DROSHA: variants seen among roughly 807,000 people sequenced by gnomAD.
The protein encoded by DROSHA is drosha ribonuclease III.
Under a neutral mutation model 181.9 loss-of-function variants are expected in DROSHA, and 56 were observed. The observed-to-expected ratio is 0.31, with a 90% CI of 0.25 to 0.38. DROSHA has a LOEUF of 0.38. DROSHA is among the 10% of genes least tolerant of loss of function. DROSHA has a pLI of 1.00. For synonymous variants in DROSHA, 524 were observed against 591.2 expected, an observed-to-expected ratio of 0.89 and a Z score of 1.65; for missense variants, 1,218 against 1,743.5, an observed-to-expected ratio of 0.70 and a Z score of 5.37.
chr5:31,402,539 A>G (rs1740138818), intron 35 of DROSHA, among the ~76,000 whole-genome samples: 1 of 152,154 alleles, frequency 6.6e-6, no homozygotes, highest in Admixed American at 6.5e-5. Context: ...TAAATTTTGC[A>G]TGTGTAGGAA....
At chr5:31,519,073 T>G (rs977257964) in intron 6 of DROSHA, among the ~76,000 whole-genome samples, 2 of 152,224 alleles carry the variant, frequency 1.3e-5, no homozygotes, top group Non-Finnish European at 2.9e-5. Context: ...TATGCCACAG[T>G]GCAAACTGGT....
intron 9 of DROSHA, 50 bp downstream of exon 9, chr5:31,510,985 A>C (rs1337863554): frequency 1.3e-6 from 2 of 1,587,666 alleles, no homozygotes; most frequent in Non-Finnish European, 1.7e-6. Context: ...AAATTTAGGA[A>C]TGAAGCTATA....
chr5:31,451,348 A>G (rs1747014003), intron 21 of DROSHA, among the ~76,000 whole-genome samples, 185 bp downstream of exon 21: 1 of 152,242 alleles, frequency 6.6e-6, no homozygotes, highest in South Asian at 2.1e-4. Flanking sequence ...GGACGGTCTC[A>G]CATAAATGTA....
At chr5:31,493,157 A>T (rs373505175) in intron 13 of DROSHA, 50 bp downstream of exon 13, 1 of 1,535,370 alleles carries the variant, frequency 6.5e-7, no homozygotes, top group Non-Finnish European at 8.9e-7. Context: ...GAAAGAAGGG[A>T]TGAAGGAGGT....
Position 31,450,550 on chromosome 5 carries a change from C to T in DROSHA, c.2682+983G>A, listed in dbSNP as rs75899522. 8.9e-3 allele frequency among the ~76,000 whole-genome samples: 1,357 copies of T among 152,196 alleles called. 26 individuals carry two copies. Among genetic ancestry groups the T allele is most frequent in the African/African-American group, 0.031 (1,282 of 41,502 alleles). On this transcript the variant is annotated intron_variant, in intron 21 of 35. Coordinates refer to ENST00000344624, the MANE Select transcript of DROSHA (RefSeq NM_001382508.1). ...GCAGCAACTCAGTTGGAACTACAGG[C>T]CATTATCCTAAGTTAATTAACTCAG...
chr5:31,467,400 A>T (rs1207795122), intron 18 of DROSHA: 1 of 152,078 alleles, frequency 6.6e-6, no homozygotes, highest in Non-Finnish European at 1.5e-5. Flanking sequence ...ACACATCCTA[A>T]ATCTTCTCCC....
rs142450562 is a variant in DROSHA at position 31,424,649 on chromosome 5, G to A, written c.3217-178C>T. Among the ~76,000 whole-genome samples the A allele has an allele frequency of 2.2e-3, 334 of 152,064 alleles. 1 individual carries two copies. The highest frequency in any genetic ancestry group is 7.7e-3 in the African/African-American group (320 of 41,492). ...TTTAAGTGTATTCACCACTCAAACC[G>A]CCTGTAGTGACTCTAATTAGCCTAT... On this transcript the variant is annotated intron_variant, in intron 27 of 35. Coordinates refer to ENST00000344624, the MANE Select transcript of DROSHA (RefSeq NM_001382508.1).
chr5:31,516,527 T>C (rs182078541), intron 6 of DROSHA, among the ~76,000 whole-genome samples: 76 of 152,330 alleles, frequency 5.0e-4, no homozygotes, highest in South Asian at 5.0e-3. Flanking sequence ...TAGGTATGTA[T>C]ACTTTGGGAG....
chr5:31,519,426 C>T (rs1011947738), intron 6 of DROSHA, among the ~76,000 whole-genome samples: 7 of 152,216 alleles, frequency 4.6e-5, no homozygotes, highest in South Asian at 2.1e-4. Context: ...TCCTATCAAA[C>T]GCACTTACAG....
intron 12 of DROSHA, 107 bp downstream of exon 12, chr5:31,495,179 T>A: frequency 7.9e-7 from 1 of 1,273,114 alleles, no homozygotes; most frequent in Non-Finnish European, 1.1e-6. Context: ...AAATAAAATA[T>A]TTTTCAAAGT....
At chr5:31,444,327 A>C (rs573010) in intron 23 of DROSHA, among the ~76,000 whole-genome samples, 115,140 of 152,000 alleles carry the variant, frequency 0.76, 43,683 homozygotes, top group East Asian at 0.81. Context: ...ATATTCAAGG[A>C]AAGAGGCTCT....
intron 27 of DROSHA, among the ~76,000 whole-genome samples, chr5:31,426,144 A>ACCCCAT (rs1743441727): frequency 1.3e-5 from 2 of 151,942 alleles, no homozygotes; most frequent in African/African-American, 4.8e-5. Flanking sequence ...TTGGTGTAAT[A>ACCCCAT]GCATAACACC....
At chr5:31,405,762 A>ATTT in intron 34 of DROSHA, 39 bp from the exon 35 acceptor site, 2 of 1,018,800 alleles carry the variant, frequency 2.0e-6, no homozygotes, top group Non-Finnish European at 1.4e-6. Flanking sequence ...TTTAATTTCA[A>ATTT]GATTCTTTTT....
At chr5:31,415,471 G>A (rs1741826723) in intron 30 of DROSHA, among the ~76,000 whole-genome samples, 2 of 152,206 alleles carry the variant, frequency 1.3e-5, no homozygotes, top group African/African-American at 4.8e-5. Context: ...ACAGGAGGCT[G>A]TGTAATCTAT....
chr5:31,447,498 C>A (rs1746454604), intron 23 of DROSHA, among the ~76,000 whole-genome samples: 1 of 152,044 alleles, frequency 6.6e-6, no homozygotes, highest in Non-Finnish European at 1.5e-5. Flanking sequence ...TGTGGAAATG[C>A]AATAAACTCA....
chr5:31,429,578 T>C (rs1374267161), intron 26 of DROSHA, 33 bp from the exon 27 acceptor site: 15 of 1,581,998 alleles, frequency 9.5e-6, no homozygotes, highest in Non-Finnish European at 1.2e-5. Flanking sequence ...CAAAAGAGAG[T>C]CTCCATCAAC....
intron 10 of DROSHA, among the ~76,000 whole-genome samples, chr5:31,507,926 G>A (rs567793762): frequency 5.9e-4 from 90 of 152,226 alleles, no homozygotes; most frequent in African/African-American, 2.1e-3. Context: ...ATGGATAGCT[G>A]TCATCTAACA....
chr5:31,408,439 C>T (rs1740909177), intron 33 of DROSHA, among the ~76,000 whole-genome samples: 1 of 152,212 alleles, frequency 6.6e-6, no homozygotes, highest in African/African-American at 2.4e-5. Context: ...AATTACTCTA[C>T]TTCAGAGCTG....
intron 16 of DROSHA, among the ~76,000 whole-genome samples, chr5:31,478,032 A>G (rs1750609658): frequency 6.6e-6 from 1 of 152,246 alleles, no homozygotes; most frequent in South Asian, 2.1e-4. Flanking sequence ...ATGATGACTT[A>G]TAAAACTTGA....
Sources: gnomAD v4.1 joint callset for allele counts (sites outside exome capture counted in the v4.1 genomes callset) on GRCh38, gnomAD v4.1.1 for gene constraint, MANE v1.5 for transcripts, NCBI Gene and HGNC (gene_info 2026-07-23, HGNC 2026-07-21) for gene names.